IGSF21: variants seen among roughly 807,000 people sequenced by gnomAD.
IGSF21 encodes immunoglobin superfamily member 21, also known as immunoglobulin superfamily member 21.
IGSF21 carries 28 observed loss-of-function variants against 46.8 expected under a neutral mutation model. The observed-to-expected ratio is 0.60, with a 90% CI of 0.44 to 0.82. The LOEUF is 0.82. IGSF21 is among the 40% of genes least tolerant of loss of function. The probability of loss-of-function intolerance (pLI) is 0.00; values close to 1 mark genes in which losing one functional copy is unlikely to be tolerated. For synonymous variants in IGSF21, 284 were observed against 273.6 expected, an observed-to-expected ratio of 1.04 and a Z score of -0.38; for missense variants, 624 against 665.5, an observed-to-expected ratio of 0.94 and a Z score of 0.69.
intron 4 of IGSF21, among the ~76,000 whole-genome samples, chr1:18,352,584 C>T (rs2085969028): frequency 6.6e-6 from 1 of 152,204 alleles, no homozygotes; most frequent in Non-Finnish European, 1.5e-5. Context: ...CACAAGACGT[C>T]TGTGGCCGCC....
intron 3 of IGSF21, among the ~76,000 whole-genome samples, chr1:18,317,579 T>C (rs1050270834): frequency 6.6e-6 from 1 of 152,228 alleles, no homozygotes; most frequent in East Asian, 1.9e-4. Context: ...AAGAGCCGCA[T>C]CTATGCACCT....
At chr1:18,190,841 C>T (rs947976916) in intron 1 of IGSF21, among the ~76,000 whole-genome samples, 33 of 152,300 alleles carry the variant, frequency 2.2e-4, no homozygotes, top group Admixed American at 3.9e-4. Flanking sequence ...GCCTAATCAC[C>T]GGGTGATCTT....
intron 1 of IGSF21, among the ~76,000 whole-genome samples, chr1:18,155,505 TC>T (rs2086559934): frequency 6.6e-6 from 1 of 152,074 alleles, no homozygotes; most frequent in Non-Finnish European, 1.5e-5. Context: ...GAAAAAGGGG[TC>T]CCACCCAGGC....
intron 1 of IGSF21, among the ~76,000 whole-genome samples, chr1:18,122,177 T>TTTTA (rs2086239285): frequency 7.7e-6 from 1 of 129,204 alleles, no homozygotes; most frequent in South Asian, 2.4e-4. Flanking sequence ...TTCTTTTCTT[T>TTTTA]TTTCTTTCTT....
chr1:18,306,079 C>T (rs2085423584), intron 3 of IGSF21, among the ~76,000 whole-genome samples: 1 of 152,194 alleles, frequency 6.6e-6, no homozygotes, highest in Non-Finnish European at 1.5e-5. Flanking sequence ...AAAGTGAAAT[C>T]AGGTCACCTG....
intron 2 of IGSF21, among the ~76,000 whole-genome samples, chr1:18,280,827 G>A (rs565307975): frequency 6.6e-6 from 1 of 151,954 alleles, no homozygotes; most frequent in South Asian, 2.1e-4. Flanking sequence ...TGATGCCTGG[G>A]GACCCCCATG....
intron 3 of IGSF21, among the ~76,000 whole-genome samples, chr1:18,321,659 C>T (rs1284443302): frequency 6.6e-6 from 1 of 152,168 alleles, no homozygotes; most frequent in Non-Finnish European, 1.5e-5. Context: ...TGGAAGAGAC[C>T]AGGCAGCTCT....
chr1:18,162,222 T>C (rs1375689526), intron 1 of IGSF21, among the ~76,000 whole-genome samples: 1 of 152,098 alleles, frequency 6.6e-6, no homozygotes, highest in East Asian at 1.9e-4. Flanking sequence ...TATTTTTGTA[T>C]TTTTTTGTAG....
At position 18,273,456 on chromosome 1, in the gene IGSF21, TTC is replaced by T. The variant is rs376410871; in HGVS notation, c.184-18402_184-18401del. ...TTTCTTTCTTTCTCACTTTCTTTCT[TTC>T]TCTCTCTTTCTTTCTTTCTTTCTTT... On this transcript the variant is annotated intron_variant, in intron 2 of 9. Coordinates refer to ENST00000251296, the MANE Select transcript of IGSF21 (RefSeq NM_032880.5). 3.1e-4 allele frequency among the ~76,000 whole-genome samples: 27 copies of T among 86,472 alleles called. 1 individual carries two copies. The highest frequency in any genetic ancestry group is 9.5e-4 in the East Asian group (3 of 3,152). The allele number at this position is 86,472 out of a possible 152,430, so 56.7% of individuals were successfully genotyped here. A position where few individuals can be genotyped will look rare whatever the true frequency, so the allele number is the denominator to read the frequency against.
intron 3 of IGSF21, among the ~76,000 whole-genome samples, chr1:18,327,547 T>A (rs2085669529): frequency 6.6e-6 from 1 of 152,168 alleles, no homozygotes; most frequent in African/African-American, 2.4e-5. Flanking sequence ...CGAAATGCGA[T>A]GCTGTTCAGT....
At chr1:18,366,479 T>A (rs2086165914) in intron 6 of IGSF21, among the ~76,000 whole-genome samples, 1 of 151,996 alleles carries the variant, frequency 6.6e-6, no homozygotes, top group Non-Finnish European at 1.5e-5. Flanking sequence ...GGTGGGAACA[T>A]GGGAGGTGAC....
intron 1 of IGSF21, among the ~76,000 whole-genome samples, chr1:18,119,997 C>T (rs2086220984): frequency 6.6e-6 from 1 of 152,220 alleles, no homozygotes; most frequent in African/African-American, 2.4e-5. Context: ...AACCTCGGTT[C>T]AGATGGAACC....
chr1:18,302,049 C>T (rs2124576128), intron 3 of IGSF21, among the ~76,000 whole-genome samples: 1 of 152,276 alleles, frequency 6.6e-6, no homozygotes, highest in East Asian at 1.9e-4. Flanking sequence ...CCCCATCTTC[C>T]CCTGCCCCTG....
At chr1:18,339,776 A>G (rs761065923) in intron 4 of IGSF21, among the ~76,000 whole-genome samples, 35 of 152,188 alleles carry the variant, frequency 2.3e-4, no homozygotes, top group Non-Finnish European at 4.3e-4. Flanking sequence ...ACGAATTCCG[A>G]TGGATGGGTG....
chr1:18,358,031 C>CAGAG (rs61696337), intron 4 of IGSF21, among the ~76,000 whole-genome samples: 79 of 150,884 alleles, frequency 5.2e-4, no homozygotes, highest in African/African-American at 1.7e-3. Flanking sequence ...TGCAGATCTC[C>CAGAG]AGAGAGAGAG....
chr1:18,307,234 C>G (rs144845630), intron 3 of IGSF21, among the ~76,000 whole-genome samples: 1 of 152,164 alleles, frequency 6.6e-6, no homozygotes, highest in East Asian at 1.9e-4. Flanking sequence ...ATAACTCTCC[C>G]TCCTCCTCCC....
chr1:18,238,835 G>GA (rs2084697467), intron 2 of IGSF21, among the ~76,000 whole-genome samples: 1 of 152,158 alleles, frequency 6.6e-6, no homozygotes, highest in Admixed American at 6.5e-5. Flanking sequence ...GTGTGATCTT[G>GA]AAAAAACCAC....
intron 1 of IGSF21, among the ~76,000 whole-genome samples, chr1:18,145,158 G>A (rs1325393838): frequency 6.6e-6 from 1 of 152,106 alleles, no homozygotes; most frequent in East Asian, 1.9e-4. Context: ...TTCTGTGCGT[G>A]GGGACAGGGA....
chr1:18,378,143 C>A, intron 9 of IGSF21, 113 bp from the exon 10 acceptor site: 1 of 835,836 alleles, frequency 1.2e-6, no homozygotes. Context: ...GCTTCGAACC[C>A]AGTTTGTCCT....
Sources: allele counts gnomAD v4.1 joint callset (sites outside exome capture counted in the v4.1 genomes callset), GRCh38; gene constraint gnomAD v4.1.1; transcripts MANE v1.5; gene names NCBI Gene and HGNC (gene_info 2026-07-23, HGNC 2026-07-21).